ANKRD27: variants seen among roughly 807,000 people sequenced by gnomAD.
ANKRD27 encodes the protein ankyrin repeat domain-containing protein 27.
In ANKRD27, 112 loss-of-function variants were observed where a neutral mutation model predicts 129.7. The observed-to-expected ratio is 0.86, with a 90% CI of 0.74 to 1.01. The LOEUF is 1.01. ANKRD27 is among the 50% of genes least tolerant of loss of function. ANKRD27 has a pLI of 0.00. For synonymous variants in ANKRD27, 516 were observed against 511.2 expected (o/e 1.01, Z -0.13); for missense variants, 1,258 against 1,300.5 (o/e 0.97, Z 0.50).
chr19:32,617,745 C>T lies in ANKRD27; in HGVS notation c.2008-112G>A, dbSNP rs888049091. ...GGCTTGATTTGTGGACTTTTAACGT[C>T]TGATTTAGTTTTTTTTTTTTTTTTT... is the stretch of plus-strand genomic sequence containing the variant. On this transcript the variant is annotated intron_variant, in intron 20 of 28. Coordinates refer to ENST00000306065, the MANE Select transcript of ANKRD27 (RefSeq NM_032139.3). 6.7e-5 allele frequency: 31 copies of T among 459,870 alleles called. No homozygotes were observed. The Admixed American group carries it at 1.0e-3, about 15-fold the overall frequency. The allele number at this position is 459,870 out of a possible 1,614,324, so 28.5% of individuals were successfully genotyped here.
intron 2 of ANKRD27, 63 bp downstream of exon 2, chr19:32,658,851 T>C: frequency 7.6e-7 from 1 of 1,323,940 alleles, no homozygotes; most frequent in East Asian, 2.3e-5. Context: ...AACTGAGCCT[T>C]AGTCTACCAC....
chr19:32,599,095 C>T (rs574328605), intron 28 of ANKRD27, among the ~76,000 whole-genome samples: 6 of 152,230 alleles, frequency 3.9e-5, no homozygotes, highest in East Asian at 3.9e-4. Context: ...GCCTGGCCAA[C>T]GTGGTGAAAC....
chr19:32,643,260 C>G, intron 8 of ANKRD27, 27 bp downstream of exon 8: 1 of 1,614,038 alleles, frequency 6.2e-7, no homozygotes, highest in Non-Finnish European at 8.5e-7. Flanking sequence ...AGGCTTCCAT[C>G]TTGGGTGATA....
Position 32,599,978 on chromosome 19 carries a change from T to G in ANKRD27, c.2840A>C (p.Gln947Pro). The G allele has an allele frequency of 6.2e-7, 1 of 1,612,100 alleles. No individual in the cohort carries two copies. Among genetic ancestry groups the G allele is most frequent in the Non-Finnish European group, 8.5e-7 (1 of 1,178,624 alleles). Residue 947 changes from glutamine to proline, a missense_variant, in exon 27 of 29, where the codon CAG becomes CCG. Transcript: ENST00000306065. ...ACTTGAGTTTCATACTCACTTAAAC[T>G]GACCAGCTGAGTGGACAAAGTAAAA... ...RQFYFVHSAG[Q>P]FKGKTSREIM... is the part of the protein sequence containing the mutation.
At chr19:32,612,939 C>G (rs931105569) in intron 22 of ANKRD27, among the ~76,000 whole-genome samples, 1 of 152,064 alleles carries the variant, frequency 6.6e-6, no homozygotes, top group Non-Finnish European at 1.5e-5. Flanking sequence ...GAAATACTGA[C>G]AAATGAGATG....
At chr19:32,620,882 T>C (rs910337625) in intron 18 of ANKRD27, among the ~76,000 whole-genome samples, 12 of 90,524 alleles carry the variant, frequency 1.3e-4, no homozygotes, top group African/African-American at 5.4e-4. Flanking sequence ...CCAAACCTTG[T>C]CTCAAAAAAA....
At chr19:32,625,666 A>G (rs1972077635) in intron 17 of ANKRD27, among the ~76,000 whole-genome samples, 1 of 152,146 alleles carries the variant, frequency 6.6e-6, no homozygotes, top group African/African-American at 2.4e-5. Flanking sequence ...TCCTGACCTC[A>G]GATGATCTGC....
rs145676546 is a variant in ANKRD27, at chr19:32,604,294, C to T, written c.2624G>A (p.Arg875Gln). The T allele has an allele frequency of 1.6e-4, 265 of 1,613,454 alleles. No individual in the cohort carries two copies. Among genetic ancestry groups the T allele is most frequent in the Non-Finnish European group, 2.2e-4 (254 of 1,179,988 alleles). The change falls in exon 25 of 29, where the codon CGG becomes CAG. Residue 875 changes from arginine (R) to glutamine (Q), a missense_variant. Coordinates refer to ENST00000306065, the MANE Select transcript of ANKRD27 (RefSeq NM_032139.3). ...AGCACAGTCTACAGCCGTGCGCTGC[C>T]GCTTGTTCAGCACCTGAACTGACGC... is the stretch of plus-strand genomic sequence containing the variant. Reference protein sequence around the residue: ...HGASVQVLNKRQRTAVDCAEQ... With the variant: ...HGASVQVLNKQQRTAVDCAEQ...
At chr19:32,613,084 CA>C (rs1971858026) in intron 22 of ANKRD27, among the ~76,000 whole-genome samples, 1 of 152,064 alleles carries the variant, frequency 6.6e-6, no homozygotes, top group Admixed American at 6.6e-5. Context: ...ACGATAAAGC[CA>C]AAAACAAACC....
intron 4 of ANKRD27, 35 bp from the exon 5 acceptor site, chr19:32,644,514 G>T (rs145585972): frequency 6.2e-7 from 1 of 1,604,942 alleles, no homozygotes; most frequent in East Asian, 2.2e-5. Flanking sequence ...GCCGGCTGAA[G>T]CCTCTGCTGG....
intron 1 of ANKRD27, among the ~76,000 whole-genome samples, chr19:32,661,994 A>G (rs1457585772): frequency 1.3e-5 from 2 of 152,148 alleles, no homozygotes; most frequent in African/African-American, 4.8e-5. Context: ...TCTTTTTGCA[A>G]AGTGACTTCA....
chr19:32,605,960 C>G lies in ANKRD27; in HGVS notation c.2374-6G>C, dbSNP rs774498624. On this transcript the variant is annotated splice_region_variant and splice_polypyrimidine_tract_variant and intron_variant, in intron 23 of 28. Transcript: ENST00000306065. ...TCTAACAGACACTTCACCACCTGGG[C>G]CAGAGAAGGAAAACGTGCAAACTTA... The G allele has an allele frequency of 2.5e-6, 4 of 1,611,108 alleles. No homozygotes were observed. In the South Asian group the frequency reaches 3.3e-5, roughly 13 times the overall value.
chr19:32,661,220 TACACACAC>T (rs71176143), intron 1 of ANKRD27, among the ~76,000 whole-genome samples: 9 of 43,522 alleles, frequency 2.1e-4, no homozygotes, highest in African/African-American at 2.8e-4. Flanking sequence ...AAAAAAATTA[TACACACAC>T]ACACACACAC....
chr19:32,638,861 C>A (rs1468165917), intron 12 of ANKRD27: 1 of 184,358 alleles, frequency 5.4e-6, no homozygotes, highest in African/African-American at 2.3e-5. Flanking sequence ...CCACACCTGG[C>A]TCGCCCTTGG....
At chr19:32,609,974 G>A (rs1375123697) in intron 22 of ANKRD27, among the ~76,000 whole-genome samples, 4 of 151,882 alleles carry the variant, frequency 2.6e-5, no homozygotes, top group East Asian at 1.9e-4. Context: ...CCAGGAGTTC[G>A]AAACCAGCCT....
intron 2 of ANKRD27, among the ~76,000 whole-genome samples, chr19:32,650,753 T>TTC (rs1568415548): frequency 7.1e-6 from 1 of 141,694 alleles, no homozygotes; most frequent in African/African-American, 2.7e-5. Context: ...CGCTTTTATT[T>TTC]ATTTTTTTTT....
At chr19:32,651,783 G>GCC (rs1967421240) in intron 2 of ANKRD27, among the ~76,000 whole-genome samples, 1 of 152,084 alleles carries the variant, frequency 6.6e-6, no homozygotes, top group Non-Finnish European at 1.5e-5. Context: ...TGCACGTCTG[G>GCC]CCCCATTCAC....
chr19:32,636,983 G>C (rs1967103169), intron 12 of ANKRD27, among the ~76,000 whole-genome samples: 1 of 152,150 alleles, frequency 6.6e-6, no homozygotes, highest in Admixed American at 6.5e-5. Context: ...CCTGACCTCA[G>C]ATGATCCACC....
At position 32,597,212 on chromosome 19, in the gene ANKRD27, T is replaced by C. The variant is rs1171346970; in HGVS notation, c.*933A>G. 2 of 140,374 alleles carry C rather than the reference T, an allele frequency of 1.4e-5. No homozygotes were observed. Among genetic ancestry groups the C allele is most frequent in the Non-Finnish European group, 3.2e-5 (2 of 62,904 alleles). 8.7% of individuals were successfully genotyped at this position (140,374 alleles called of 1,614,324 possible). ...CGGACTCAGGACAAACCCATATACG[T>C]GTAGCTCTAGGCCAATAACATAAAA... On this transcript the variant is annotated 3_prime_UTR_variant, in exon 29 of 29. Transcript: ENST00000306065.
Sources: gnomAD v4.1 joint callset for allele counts (sites outside exome capture counted in the v4.1 genomes callset) on GRCh38, gnomAD v4.1.1 for gene constraint, MANE v1.5 for transcripts, NCBI Gene and HGNC (gene_info 2026-07-23, HGNC 2026-07-21) for gene names.